Variants in AUTS2 observed in about 807,000 individuals in gnomAD.
The protein encoded by AUTS2 is autism susceptibility gene 2 protein.
AUTS2 carries 17 observed loss-of-function variants against 112.4 expected under a neutral mutation model. The observed-to-expected ratio is 0.15, with a 90% CI of 0.10 to 0.23. The LOEUF is 0.23. Ranked by LOEUF, AUTS2 falls within the 10% of genes least tolerant of loss-of-function variation. AUTS2 has a pLI of 1.00. For synonymous variants in AUTS2, 751 were observed against 702.7 expected, an observed-to-expected ratio of 1.07 and a Z score of -1.09; for missense variants, 1,510 against 1,701.6, an observed-to-expected ratio of 0.89 and a Z score of 1.98.
At chr7:69,898,098 G>T (rs1396859879) in intron 1 of AUTS2, among the ~76,000 whole-genome samples, 1 of 152,068 alleles carries the variant, frequency 6.6e-6, no homozygotes, top group African/African-American at 2.4e-5. Context: ...CATGTTTGAG[G>T]TAATGGATAC....
At chr7:69,797,807 G>A (rs534028043) in intron 1 of AUTS2, among the ~76,000 whole-genome samples, 2 of 151,928 alleles carry the variant, frequency 1.3e-5, no homozygotes, top group Non-Finnish European at 2.9e-5. Flanking sequence ...TTTCCTTCTT[G>A]TAAAGGTTAC....
intron 1 of AUTS2, among the ~76,000 whole-genome samples, chr7:69,778,621 C>T (rs1197070079): frequency 2.0e-5 from 3 of 152,082 alleles, no homozygotes; most frequent in African/African-American, 7.2e-5. Flanking sequence ...AGGAGTTAGC[C>T]TGATCTTAAA....
intron 4 of AUTS2, among the ~76,000 whole-genome samples, chr7:70,425,133 C>T (rs1795379820): frequency 6.6e-6 from 1 of 152,150 alleles, no homozygotes; most frequent in African/African-American, 2.4e-5. Flanking sequence ...CATGGAAAGC[C>T]GTAGCTACAT....
At chr7:70,472,553 A>G (rs931079200) in intron 5 of AUTS2, among the ~76,000 whole-genome samples, 3 of 152,160 alleles carry the variant, frequency 2.0e-5, no homozygotes. Flanking sequence ...GTACTAAAAT[A>G]TTTTTTAAAA....
intron 1 of AUTS2, among the ~76,000 whole-genome samples, chr7:69,763,060 T>G (rs947735205): frequency 2.6e-5 from 4 of 152,230 alleles, no homozygotes; most frequent in African/African-American, 9.6e-5. Flanking sequence ...GGTTTTATTT[T>G]CACACCTCTA....
intron 2 of AUTS2, among the ~76,000 whole-genome samples, chr7:70,043,741 C>G (rs1160873080): frequency 6.6e-6 from 1 of 152,000 alleles, no homozygotes; most frequent in Non-Finnish European, 1.5e-5. Context: ...TCCCGAGTAG[C>G]TGGGATTACA....
At chr7:70,126,156 C>T (rs1017781599) in intron 3 of AUTS2, among the ~76,000 whole-genome samples, 9 of 152,178 alleles carry the variant, frequency 5.9e-5, no homozygotes, top group East Asian at 1.9e-4. Context: ...TGGTGGCTCA[C>T]GCCTGCAATC....
At chr7:70,584,655 C>G (rs1364599690) in intron 5 of AUTS2, among the ~76,000 whole-genome samples, 2 of 152,268 alleles carry the variant, frequency 1.3e-5, no homozygotes, top group African/African-American at 4.8e-5. Context: ...AGTACAGAGA[C>G]AGGCCGAGAA....
At chr7:70,013,153 C>CTG (rs1199147326) in intron 2 of AUTS2, among the ~76,000 whole-genome samples, 1 of 152,186 alleles carries the variant, frequency 6.6e-6, no homozygotes, top group African/African-American at 2.4e-5. Flanking sequence ...AGGCTTGCAG[C>CTG]TGTACCTACC....
At chr7:69,630,118 G>A (rs1186309195) in intron 1 of AUTS2, among the ~76,000 whole-genome samples, 1 of 152,114 alleles carries the variant, frequency 6.6e-6, no homozygotes, top group Non-Finnish European at 1.5e-5. Context: ...TTAGCCAGGC[G>A]TAGTGGTGCA....
intron 1 of AUTS2, among the ~76,000 whole-genome samples, chr7:69,770,438 G>A (rs957268275): frequency 2.0e-5 from 3 of 152,144 alleles, no homozygotes; most frequent in Admixed American, 1.3e-4. Flanking sequence ...TTCCAGAGAG[G>A]CAGGTGGAGG....
chr7:70,216,175 C>T (rs1360193012), intron 4 of AUTS2, among the ~76,000 whole-genome samples: 1 of 152,160 alleles, frequency 6.6e-6, no homozygotes, highest in African/African-American at 2.4e-5. Context: ...CAGTCCTCCC[C>T]ATACCTCAAA....
At chr7:70,786,957 CCTTTTT>C (rs1791537064) in intron 17 of AUTS2, 1 of 573,270 alleles carries the variant, frequency 1.7e-6, no homozygotes, top group African/African-American at 1.9e-5. Flanking sequence ...GGTCCCTTTT[CCTTTTT>C]AACTTCCCCT....
At chr7:70,696,495 A>T (rs1210738574) in intron 5 of AUTS2, among the ~76,000 whole-genome samples, 1 of 152,186 alleles carries the variant, frequency 6.6e-6, no homozygotes, top group Non-Finnish European at 1.5e-5. Flanking sequence ...GCCTCTCTGA[A>T]TATCCGGTCA....
intron 5 of AUTS2, among the ~76,000 whole-genome samples, chr7:70,539,415 G>A (rs773644578): frequency 3.9e-5 from 6 of 152,134 alleles, no homozygotes; most frequent in East Asian, 1.9e-4. Context: ...AAAGCCCTGT[G>A]GAACTAGGTC....
chr7:70,629,143 A>G (rs1454105146), intron 5 of AUTS2, among the ~76,000 whole-genome samples: 2 of 152,186 alleles, frequency 1.3e-5, no homozygotes, highest in African/African-American at 4.8e-5. Flanking sequence ...AGGTAGCAGC[A>G]TGGATGGCTC....
rs569417932 is a variant in AUTS2, at chr7:69,994,613, T to C, written c.522+95115T>C. Among the ~76,000 whole-genome samples the C allele has an allele frequency of 3.9e-5, 6 of 152,288 alleles. 1 individual carries two copies. The South Asian group carries it at 1.2e-3, about 32-fold the overall frequency. On this transcript the variant is annotated intron_variant, in intron 2 of 18. Transcript: ENST00000342771. ...ATACACTTTGGAAAACCTAGAGAATTTCAGTGGGATTATAGTATATAATGA... is the reference window on the plus strand; with the variant it reads ...ATACACTTTGGAAAACCTAGAGAATCTCAGTGGGATTATAGTATATAATGA...
chr7:69,955,739 A>G (rs745455406), intron 2 of AUTS2, among the ~76,000 whole-genome samples: 1 of 152,112 alleles, frequency 6.6e-6, no homozygotes, highest in Non-Finnish European at 1.5e-5. Context: ...GTTCCGTGGC[A>G]TGGGCAGGGG....
chr7:70,698,801 C>A (rs572108428), intron 6 of AUTS2, 181 bp downstream of exon 6: 5 of 483,606 alleles, frequency 1.0e-5, no homozygotes, highest in Admixed American at 4.1e-5. Flanking sequence ...ACATTAACAA[C>A]CAGTTTATTT....
Sources: gnomAD v4.1 joint callset for allele counts (sites outside exome capture counted in the v4.1 genomes callset) on GRCh38, gnomAD v4.1.1 for gene constraint, MANE v1.5 for transcripts, NCBI Gene and HGNC (gene_info 2026-07-23, HGNC 2026-07-21) for gene names.